The following TIMP4 variants were observed in gnomAD, a reference collection of about 807,000 sequenced individuals.
TIMP4 encodes the protein TIMP metallopeptidase inhibitor 4.
In TIMP4, 28 loss-of-function variants were observed where a neutral mutation model predicts 27.3. The observed-to-expected ratio is 1.03, with a 90% CI of 0.76 to 1.41. The LOEUF is 1.41. Ranked by LOEUF, TIMP4 falls within the 40% of genes most tolerant of loss-of-function variation. The pLI, the probability that TIMP4 is intolerant of heterozygous loss-of-function variation, is 0.00. For synonymous variants in TIMP4, 138 were observed against 115.5 expected (o/e 1.20, Z -1.25); for missense variants, 307 against 285.5 (o/e 1.08, Z -0.54).
Position 12,156,888 on chromosome 3 carries a change from G to T in TIMP4, c.284C>A (p.Thr95Lys), listed in dbSNP as rs201423861. The change falls in exon 3 of 5, where the codon ACG (threonine) becomes AAG (lysine). Residue 95 changes from threonine (T) to lysine (K), a missense_variant. Transcript: ENST00000287814. ...EKVKDVQYIY[T>K]PFDSSLCGVK... ...ACCACAGAGGGAAGAGTCAAAAGGCGTATAGATATACTGAACATCCTTGAC... is the reference window on the plus strand; with the variant it reads ...ACCACAGAGGGAAGAGTCAAAAGGCTTATAGATATACTGAACATCCTTGAC... 9 of 1,614,000 alleles carry T rather than the reference G, an allele frequency of 5.6e-6. No individual in the cohort carries two copies. Among genetic ancestry groups the T allele is most frequent in the African/African-American group, 2.7e-5 (2 of 74,896 alleles).
chr3:12,158,574 C>T (rs1446844015), intron 1 of TIMP4, 128 bp downstream of exon 1: 1 of 1,410,106 alleles, frequency 7.1e-7, no homozygotes, highest in African/African-American at 1.4e-5. Context: ...ACCCATCAGC[C>T]TCAGCAAGAG....
chr3:12,153,809 A>C lies in TIMP4; in HGVS notation c.478-97T>G. The C allele has an allele frequency of 2.3e-6, 3 of 1,307,960 alleles. No homozygotes were observed. The South Asian group carries it at 3.7e-5, about 16-fold the overall frequency. 81.0% of individuals were successfully genotyped at this position (1,307,960 alleles called of 1,614,324 possible). ...CTACGTACCTTTCCAGCCCATCTCA[A>C]ATGCCCCCTATCTTATCAAGCCTTT... On this transcript the variant is annotated intron_variant, in intron 4 of 4. Transcript: ENST00000287814.
At chr3:12,156,242 T>C (rs1179923084) in intron 3 of TIMP4, among the ~76,000 whole-genome samples, 1 of 152,242 alleles carries the variant, frequency 6.6e-6, no homozygotes, top group Non-Finnish European at 1.5e-5. Context: ...ACCTACACAA[T>C]GAAGCTTCCC....
intron 1 of TIMP4, among the ~76,000 whole-genome samples, chr3:12,158,186 C>A (rs1443539729): frequency 6.6e-6 from 1 of 152,214 alleles, no homozygotes; most frequent in South Asian, 2.1e-4. Context: ...AGGGGAGAGA[C>A]CTAAGTTAGC....
Position 12,157,375 on chromosome 3 carries a change from C to T in TIMP4, c.237+10G>A. 1 of 1,613,652 alleles carries T rather than the reference C, an allele frequency of 6.2e-7. No individual in the cohort carries two copies. Among genetic ancestry groups the T allele is most frequent in the South Asian group, 1.1e-5 (1 of 91,018 alleles). ...TTAGGGGCTACACATCCCAGCCTGC[C>T]CCCATGTACCTTTATCTGTTTGATT... On this transcript the variant is annotated intron_variant, in intron 2 of 4. Transcript: ENST00000287814.
chr3:12,157,487 A>G lies in TIMP4; in HGVS notation c.140-5T>C. Reference sequence around the variant, plus strand: ...TGGAGATTTTGGCCCGAATCACTGCATAGGAAGAGAAAAGAGGGAACCTTC... The same window carrying G: ...TGGAGATTTTGGCCCGAATCACTGCGTAGGAAGAGAAAAGAGGGAACCTTC... On this transcript the variant is annotated splice_polypyrimidine_tract_variant and splice_region_variant and intron_variant, in intron 1 of 4. Coordinates refer to ENST00000287814, the MANE Select transcript of TIMP4 (RefSeq NM_003256.4). The G allele has an allele frequency of 1.2e-6, 2 of 1,614,062 alleles. No individual in the cohort carries two copies. Among genetic ancestry groups the G allele is most frequent in the Non-Finnish European group, 1.7e-6 (2 of 1,179,966 alleles).
chr3:12,157,654 G>GCAGT (rs1219281332), intron 1 of TIMP4, among the ~76,000 whole-genome samples, 172 bp from the exon 2 acceptor site: 1 of 152,116 alleles, frequency 6.6e-6, no homozygotes, highest in Non-Finnish European at 1.5e-5. Context: ...CACCTCCCCT[G>GCAGT]CAGTCACTGG....
chr3:12,153,722 T>C lies in TIMP4; in HGVS notation c.478-10A>G, dbSNP rs1697372609. On this transcript the variant is annotated splice_polypyrimidine_tract_variant and intron_variant, in intron 4 of 4. Transcript: ENST00000287814. The stretch of plus-strand genomic sequence containing the variant: ...TGTAGCAGGTGGTGATCTAGAGTCA[T>C]GGCCACACAACATTAAAGTGAGTAG... 6.2e-6 allele frequency: 10 copies of C among 1,614,134 alleles called. No homozygotes were observed. The East Asian group carries it at 2.2e-4, about 36-fold the overall frequency.
chr3:12,156,825 A>T lies in TIMP4; in HGVS notation c.347T>A (p.Leu116Ter). ...LEANSQKQYL[L>*]TGQVLSDGKV... ...TTGTTGGTCTTTTAACTTACCAGTC[A>T]AGAGATACTGCTTCTGGCTGTTGGC... The change falls in exon 3 of 5, where the codon TTG becomes TAG. Residue 116 changes from leucine to a stop codon, truncating the protein, a stop_gained. Coordinates refer to ENST00000287814, the MANE Select transcript of TIMP4 (RefSeq NM_003256.4). LOFTEE classifies it high-confidence loss of function. The T allele has an allele frequency of 6.2e-7, 1 of 1,613,842 alleles. No individual in the cohort carries two copies. Among genetic ancestry groups the T allele is most frequent in the Non-Finnish European group, 8.5e-7 (1 of 1,179,672 alleles).
chr3:12,158,448 G>T (rs1358490911), intron 1 of TIMP4, among the ~76,000 whole-genome samples: 2 of 152,120 alleles, frequency 1.3e-5, no homozygotes, highest in African/African-American at 4.8e-5. Context: ...CTCCATAATT[G>T]CAGTATGGCC....
At chr3:12,154,475 T>C in intron 3 of TIMP4, 24 bp from the exon 4 acceptor site, 1 of 1,611,174 alleles carries the variant, frequency 6.2e-7, no homozygotes, top group East Asian at 2.2e-5. Flanking sequence ...TGGAGGAGAG[T>C]CAAGCATCAG....
Position 12,156,812 on chromosome 3 carries a change from T to C in TIMP4, c.352+8A>G, listed in dbSNP as rs529579724. ...ATATTAAGGCCAGTTGTTGGTCTTT[T>C]AACTTACCAGTCAAGAGATACTGCT... On this transcript the variant is annotated splice_region_variant and intron_variant, in intron 3 of 4. Transcript: ENST00000287814. 1.2e-6 allele frequency: 2 copies of C among 1,611,716 alleles called. No individual in the cohort carries two copies. The highest frequency in any genetic ancestry group is 2.7e-5 in the African/African-American group (2 of 75,020).
intron 4 of TIMP4, 57 bp from the exon 5 acceptor site, chr3:12,153,769 C>T: frequency 1.3e-6 from 2 of 1,587,272 alleles, no homozygotes; most frequent in Non-Finnish European, 1.7e-6. Flanking sequence ...TTTTCCATTG[C>T]TGCCTTTCAG....
At chr3:12,155,547 C>T (rs1235701410) in intron 3 of TIMP4, among the ~76,000 whole-genome samples, 2 of 152,272 alleles carry the variant, frequency 1.3e-5, no homozygotes, top group East Asian at 1.9e-4. Context: ...TAGCTGAGTT[C>T]AGTTCTTGGG....
chr3:12,158,581 A>G, intron 1 of TIMP4, 121 bp downstream of exon 1: 2 of 1,447,796 alleles, frequency 1.4e-6, no homozygotes, highest in Non-Finnish European at 1.9e-6. Flanking sequence ...AGCCTCAGCA[A>G]GAGACAACCG....
chr3:12,155,340 T>TA (rs146428689), intron 3 of TIMP4, among the ~76,000 whole-genome samples: 272 of 152,348 alleles, frequency 1.8e-3, no homozygotes, highest in African/African-American at 6.1e-3. Flanking sequence ...CAAAGGAACA[T>TA]ACAATTATTT....
At chr3:12,158,534 C>T (rs1331181834) in intron 1 of TIMP4, 168 bp downstream of exon 1, 6 of 980,036 alleles carry the variant, frequency 6.1e-6, no homozygotes, top group Non-Finnish European at 5.9e-6. Flanking sequence ...TCTGGGCTTG[C>T]AAGGTTGCTA....
intron 3 of TIMP4, among the ~76,000 whole-genome samples, chr3:12,154,858 T>C (rs1173711779): frequency 1.2e-5 from 1 of 81,546 alleles, no homozygotes; most frequent in Admixed American, 1.6e-4. Context: ...GTCTATAAAG[T>C]TCCCAGCACA....
Position 12,153,227 on chromosome 3 carries a change from G to C in TIMP4, c.*288C>G. Reference sequence around the variant, plus strand: ...AAGGAAAACACATATTCCTGGGGAGGAAAGGGAATAGTCCTGGCTTTAGAA... The same window carrying C: ...AAGGAAAACACATATTCCTGGGGAGCAAAGGGAATAGTCCTGGCTTTAGAA... On this transcript the variant is annotated 3_prime_UTR_variant, in exon 5 of 5. Coordinates refer to ENST00000287814, the MANE Select transcript of TIMP4 (RefSeq NM_003256.4). 1 of 496,432 alleles carries C rather than the reference G, an allele frequency of 2.0e-6. No individual in the cohort carries two copies. Among genetic ancestry groups the C allele is most frequent in the South Asian group, 2.2e-5 (1 of 45,082 alleles). 30.8% of individuals were successfully genotyped at this position (496,432 alleles called of 1,614,324 possible).
Sources: gnomAD v4.1 joint callset for allele counts (sites outside exome capture counted in the v4.1 genomes callset) on GRCh38, gnomAD v4.1.1 for gene constraint, MANE v1.5 for transcripts, NCBI Gene and HGNC (gene_info 2026-07-23, HGNC 2026-07-21) for gene names.